Variants in TOX observed in about 807,000 individuals in gnomAD.
TOX encodes the protein thymocyte selection associated high mobility group box.
TOX carries 11 observed loss-of-function variants against 53.7 expected under a neutral mutation model. The observed-to-expected ratio is 0.20, with a 90% CI of 0.13 to 0.34. The LOEUF (loss-of-function observed/expected upper bound fraction) is 0.34, where lower values mean the gene tolerates loss of function less well. TOX is among the 10% of genes least tolerant of loss of function. The probability of loss-of-function intolerance (pLI) is 1.00; values close to 1 mark genes in which losing one functional copy is unlikely to be tolerated. For missense variants in TOX, 570 were observed against 664.6 expected (o/e 0.86, Z 1.56); for synonymous variants, 225 against 245.3 (o/e 0.92, Z 0.77).
At chr8:59,085,992 T>C (rs1563441705) in intron 1 of TOX, among the ~76,000 whole-genome samples, 2 of 146,818 alleles carry the variant, frequency 1.4e-5, no homozygotes, top group Non-Finnish European at 3.0e-5. Flanking sequence ...TTTTTTTTTT[T>C]TTTTTTTTTT....
intron 1 of TOX, among the ~76,000 whole-genome samples, chr8:59,021,481 A>AAAAAAAAAATATATATAT (rs59174995): frequency 1.5e-5 from 1 of 64,740 alleles, no homozygotes; most frequent in African/African-American, 5.3e-5. Flanking sequence ...AAAAAAAAAA[A>AAAAAAAAAATATATATAT]ATATATATAT....
chr8:59,051,268 C>A (rs967318586), intron 1 of TOX, among the ~76,000 whole-genome samples: 2 of 152,086 alleles, frequency 1.3e-5, no homozygotes, highest in Non-Finnish European at 2.9e-5. Context: ...GTTTTCTTTA[C>A]TTACTGTGTA....
At chr8:58,962,988 T>A (rs1361847819) in intron 1 of TOX, among the ~76,000 whole-genome samples, 1 of 152,140 alleles carries the variant, frequency 6.6e-6, no homozygotes, top group Admixed American at 6.6e-5. Context: ...AGCAGATTGC[T>A]CTCCCCAAGG....
intron 1 of TOX, among the ~76,000 whole-genome samples, chr8:59,068,695 A>G (rs1804139795): frequency 6.6e-6 from 1 of 152,184 alleles, no homozygotes; most frequent in Admixed American, 6.5e-5. Context: ...GGCACAGGCA[A>G]ATGAGGTAAC....
At chr8:59,060,487 C>T (rs1379517402) in intron 1 of TOX, among the ~76,000 whole-genome samples, 3 of 152,110 alleles carry the variant, frequency 2.0e-5, no homozygotes, top group African/African-American at 2.4e-5. Flanking sequence ...ATTAGCCGGG[C>T]GTGCTGGCAC....
chr8:58,943,782 T>A (rs1812482000), intron 2 of TOX, among the ~76,000 whole-genome samples: 1 of 152,052 alleles, frequency 6.6e-6, no homozygotes, highest in Non-Finnish European at 1.5e-5. Flanking sequence ...CATGTACCCA[T>A]CCCAGTTCAG....
intron 1 of TOX, among the ~76,000 whole-genome samples, chr8:59,037,702 T>C (rs1803494810): frequency 6.8e-6 from 1 of 148,084 alleles, no homozygotes; most frequent in Non-Finnish European, 1.5e-5. Flanking sequence ...CTTGGGGGGC[T>C]GAAGCAGGAG....
At chr8:58,968,947 G>A (rs1015094632) in intron 1 of TOX, among the ~76,000 whole-genome samples, 1 of 152,078 alleles carries the variant, frequency 6.6e-6, no homozygotes, top group Non-Finnish European at 1.5e-5. Context: ...AAGGACAAAC[G>A]ATTCTTGAAT....
At chr8:59,028,597 A>T (rs1814289559) in intron 1 of TOX, among the ~76,000 whole-genome samples, 1 of 152,188 alleles carries the variant, frequency 6.6e-6, no homozygotes, top group African/African-American at 2.4e-5. Flanking sequence ...ATATATAGAT[A>T]TTGCCTATGA....
intron 3 of TOX, among the ~76,000 whole-genome samples, chr8:58,873,589 T>A (rs1273910203): frequency 6.6e-6 from 1 of 152,264 alleles, no homozygotes; most frequent in African/African-American, 2.4e-5. Context: ...TCTAAAAATA[T>A]TAATTGTAAG....
At chr8:58,972,038 T>C (rs1174832590) in intron 1 of TOX, among the ~76,000 whole-genome samples, 2 of 152,086 alleles carry the variant, frequency 1.3e-5, no homozygotes, top group Non-Finnish European at 2.9e-5. Context: ...ACCTGAAATA[T>C]GAAATAATGG....
At chr8:59,023,774 G>C (rs1814183314) in intron 1 of TOX, among the ~76,000 whole-genome samples, 1 of 152,164 alleles carries the variant, frequency 6.6e-6, no homozygotes, top group African/African-American at 2.4e-5. Flanking sequence ...TGTTGTGCCA[G>C]ATAAACGGGT....
rs142472624 is a variant in TOX, at chr8:58,938,685, G to C, written c.411+617C>G. Among the ~76,000 whole-genome samples, 39 of 152,296 alleles carry C rather than the reference G, an allele frequency of 2.6e-4. No individual in the cohort carries two copies. The East Asian group carries it at 4.2e-3, about 17-fold the overall frequency. ...TGAGAATTTGATTTTTTGCTAGTTTGCTGGTTGATACACATTCTTATTAAA... is the reference window on the plus strand; with the variant it reads ...TGAGAATTTGATTTTTTGCTAGTTTCCTGGTTGATACACATTCTTATTAAA... On this transcript the variant is annotated intron_variant, in intron 3 of 8. Coordinates refer to ENST00000361421, the MANE Select transcript of TOX (RefSeq NM_014729.3).
intron 1 of TOX, among the ~76,000 whole-genome samples, chr8:59,006,214 T>A (rs1813789958): frequency 6.6e-6 from 1 of 152,246 alleles, no homozygotes; most frequent in Admixed American, 6.5e-5. Context: ...ATGTTTTACA[T>A]ATAACTCCTA....
chr8:58,856,765 G>T (rs982951992), intron 3 of TOX, among the ~76,000 whole-genome samples: 8 of 149,326 alleles, frequency 5.4e-5, no homozygotes, highest in Admixed American at 6.7e-5. Context: ...TTTTTTTCAA[G>T]TTCCTGCTGG....
At chr8:59,103,161 T>C (rs1290557582) in intron 1 of TOX, among the ~76,000 whole-genome samples, 5 of 152,198 alleles carry the variant, frequency 3.3e-5, no homozygotes, top group Non-Finnish European at 7.3e-5. Context: ...CCAGCAACTA[T>C]TGAACCCTAA....
intron 3 of TOX, among the ~76,000 whole-genome samples, chr8:58,901,521 G>C (rs1365168195): frequency 6.6e-6 from 1 of 152,122 alleles, no homozygotes; most frequent in Admixed American, 6.5e-5. Context: ...TTGCTGAAAT[G>C]TTTCTGTGGC....
At chr8:58,830,516 T>C (rs1451224392) in intron 5 of TOX, among the ~76,000 whole-genome samples, 1 of 152,212 alleles carries the variant, frequency 6.6e-6, no homozygotes, top group Admixed American at 6.5e-5. Context: ...CAGTTCAATA[T>C]CAACGATATG....
At chr8:59,044,655 C>T (rs978945648) in intron 1 of TOX, among the ~76,000 whole-genome samples, 1 of 152,240 alleles carries the variant, frequency 6.6e-6, no homozygotes, top group Admixed American at 6.5e-5. Flanking sequence ...ATCTAAATCT[C>T]TTTTTTTATT....
Sources: gnomAD v4.1 joint callset for allele counts (sites outside exome capture counted in the v4.1 genomes callset) on GRCh38, gnomAD v4.1.1 for gene constraint, MANE v1.5 for transcripts, NCBI Gene and HGNC (gene_info 2026-07-23, HGNC 2026-07-21) for gene names.